The following WDR59 variants were observed in gnomAD, a reference collection of about 807,000 sequenced individuals.
WDR59 encodes GATOR2 complex protein WDR59.
A neutral mutation model predicts 131.2 loss-of-function variants in WDR59; 100 were observed. The observed-to-expected ratio is 0.76, with a 90% CI of 0.65 to 0.90. The LOEUF (loss-of-function observed/expected upper bound fraction) is 0.90, where lower values mean the gene tolerates loss of function less well. WDR59 is among the 40% of genes least tolerant of loss of function. WDR59 has a pLI of 0.00. For missense variants in WDR59, 1,203 were observed against 1,262.2 expected, an observed-to-expected ratio of 0.95 and a Z score of 0.71; for synonymous variants, 601 against 466.2, an observed-to-expected ratio of 1.29 and a Z score of -3.72.
intron 8 of WDR59, among the ~76,000 whole-genome samples, chr16:74,937,841 C>T (rs893085619): frequency 1.3e-5 from 2 of 152,156 alleles, no homozygotes; most frequent in African/African-American, 4.8e-5. Context: ...CTCTGACTTC[C>T]TTTCACAAAG....
intron 7 of WDR59, among the ~76,000 whole-genome samples, chr16:74,940,336 G>A (rs1372530242): frequency 6.7e-6 from 1 of 149,748 alleles, no homozygotes; most frequent in Non-Finnish European, 1.5e-5. Context: ...CCAAGAATGC[G>A]CCATTGCACT....
chr16:74,940,845 A>G (rs1230397817), intron 7 of WDR59, among the ~76,000 whole-genome samples: 1 of 152,010 alleles, frequency 6.6e-6, no homozygotes, highest in Non-Finnish European at 1.5e-5. Context: ...AGCTGGGACT[A>G]CAGGCGCCCG....
chr16:74,957,518 C>T lies in WDR59; in HGVS notation c.105-908G>A, dbSNP rs533426899. The stretch of plus-strand genomic sequence containing the variant: ...GAAAATCTCAAAATTCCCCTTACTA[C>T]TTCCTGGTCAAGAAAACTCAACTAA... On this transcript the variant is annotated intron_variant, in intron 2 of 25. Coordinates refer to ENST00000262144, the MANE Select transcript of WDR59 (RefSeq NM_030581.4). Among the ~76,000 whole-genome samples the T allele has an allele frequency of 1.8e-3, 274 of 152,290 alleles. 1 individual carries two copies. The highest frequency in any genetic ancestry group is 3.3e-3 in the Non-Finnish European group (224 of 68,034).
At chr16:74,919,013 C>G (rs2029886641) in intron 10 of WDR59, among the ~76,000 whole-genome samples, 1 of 152,198 alleles carries the variant, frequency 6.6e-6, no homozygotes, top group African/African-American at 2.4e-5. Flanking sequence ...AATCTTCTGA[C>G]CCTACATCTG....
In WDR59 at chr16:74,956,518, T is replaced by C; in HGVS notation, c.197A>G (p.Gln66Arg). ...TGCAAAGCTGTCATGAGGATTCCAC[T>C]GCACAGCTCCAATGTCCCATTTGCT... is the stretch of plus-strand genomic sequence containing the variant. ...RQSKWDIGAV[Q>R]WNPHDSFAHY... Residue 66 changes from glutamine to arginine, a missense_variant, in exon 3 of 26, where the codon CAG becomes CGG. Coordinates refer to ENST00000262144, the MANE Select transcript of WDR59 (RefSeq NM_030581.4). 1 of 1,614,128 alleles carries C rather than the reference T, an allele frequency of 6.2e-7. No individual in the cohort carries two copies. The highest frequency in any genetic ancestry group is 8.5e-7 in the Non-Finnish European group (1 of 1,180,018).
intron 18 of WDR59, among the ~76,000 whole-genome samples, chr16:74,896,807 G>T (rs1206601166): frequency 6.6e-6 from 1 of 152,180 alleles, no homozygotes; most frequent in Admixed American, 6.5e-5. Context: ...AGGACTTACA[G>T]TATCAGCTCC....
intron 2 of WDR59, among the ~76,000 whole-genome samples, chr16:74,957,751 C>A (rs1057254164): frequency 4.6e-5 from 7 of 152,074 alleles, no homozygotes; most frequent in African/African-American, 9.7e-5. Context: ...TTGCTAGAGA[C>A]CACTCCAAGC....
chr16:74,912,306 G>A lies in WDR59; in HGVS notation c.1281C>T (p.Val427=), dbSNP rs1216409395. 1 of 1,614,136 alleles carries A rather than the reference G, an allele frequency of 6.2e-7. No homozygotes were observed. The change falls in exon 14 of 26, where the codon GTC becomes GTT. Residue 427 remains valine (V), a synonymous_variant. Coordinates refer to ENST00000262144, the MANE Select transcript of WDR59 (RefSeq NM_030581.4). ...TVSVHCSNHR[V]KMLVKFPAQY... ...GTGCAGGGAACTTCACCAGCATCTT[G>A]ACACGATGGTTGCTGCAGTGCACAG... is the stretch of plus-strand genomic sequence containing the variant.
At chr16:74,941,492 A>G (rs925997660) in intron 7 of WDR59, among the ~76,000 whole-genome samples, 3 of 152,012 alleles carry the variant, frequency 2.0e-5, no homozygotes, top group African/African-American at 7.2e-5. Flanking sequence ...TCGGGAGTTC[A>G]AGACCATCCT....
intron 1 of WDR59, among the ~76,000 whole-genome samples, chr16:74,973,349 G>C (rs1349200022): frequency 6.6e-6 from 1 of 152,134 alleles, no homozygotes; most frequent in African/African-American, 2.4e-5. Flanking sequence ...ACCCCAGCTG[G>C]AGCACAGTGG....
chr16:74,981,700 G>C (rs1300589334), intron 1 of WDR59, among the ~76,000 whole-genome samples: 1 of 115,306 alleles, frequency 8.7e-6, no homozygotes, highest in Non-Finnish European at 1.7e-5. Context: ...CTGTCGCCCA[G>C]GCTGGAGTAC....
In WDR59 at chr16:74,874,260, C is replaced by T; in HGVS notation, c.2874G>A (p.Glu958=). The change falls in exon 26 of 26, where the codon GAG becomes GAA. Residue 958 remains glutamate (E), a synonymous_variant. Transcript: ENST00000262144. The part of the protein sequence containing the change: ...SHMMEWFRTQ[E]VCPTGCGCHC... ...GGCACCCACACCCGGTGGGACACACCTCCTGGGTCCGAAACCACTCCATCA... is the reference window on the plus strand; with the variant it reads ...GGCACCCACACCCGGTGGGACACACTTCCTGGGTCCGAAACCACTCCATCA... 1 of 1,614,198 alleles carries T rather than the reference C, an allele frequency of 6.2e-7. No homozygotes were observed.
Position 74,912,336 on chromosome 16 carries a change from T to C in WDR59, c.1251A>G (p.Thr417=). The C allele has an allele frequency of 6.2e-7, 1 of 1,613,756 alleles. No individual in the cohort carries two copies. Residue 417 remains threonine (T), a synonymous_variant, in exon 14 of 26, where the codon ACA becomes ACG. Transcript: ENST00000262144. ...VEMDAADRSC[T]VSVHCSNHRV... ...GATGGTTGCTGCAGTGCACAGACAC[T>C]GTGCAGCTCCTGTCTGCCGCATCCA... is the stretch of plus-strand genomic sequence containing the variant.
intron 19 of WDR59, among the ~76,000 whole-genome samples, chr16:74,892,909 T>C (rs1965114704): frequency 6.6e-6 from 1 of 152,216 alleles, no homozygotes; most frequent in Non-Finnish European, 1.5e-5. Context: ...CATGCGACAC[T>C]GACTATGGTT....
intron 1 of WDR59, among the ~76,000 whole-genome samples, chr16:74,967,577 G>A (rs866601920): frequency 2.0e-5 from 3 of 152,132 alleles, no homozygotes; most frequent in Non-Finnish European, 2.9e-5. Context: ...GATAGAACTC[G>A]GCTGGGCGCG....
intron 1 of WDR59, among the ~76,000 whole-genome samples, chr16:74,973,895 C>T (rs950962077): frequency 2.6e-5 from 4 of 152,042 alleles, no homozygotes; most frequent in African/African-American, 9.6e-5. Context: ...ATTGGCCAGG[C>T]GCAGTGGCCC....
chr16:74,927,566 C>A (rs1597730256), intron 8 of WDR59, among the ~76,000 whole-genome samples: 1 of 110,110 alleles, frequency 9.1e-6, no homozygotes, highest in Non-Finnish European at 1.7e-5. Context: ...CCAGCCTGGG[C>A]AATAGAGCGA....
rs746574195 is a variant in WDR59 at position 74,970,495 on chromosome 16, C to CA, written c.55-4674dup. On this transcript the variant is annotated intron_variant, in intron 1 of 25. Coordinates refer to ENST00000262144, the MANE Select transcript of WDR59 (RefSeq NM_030581.4). Reference sequence around the variant, plus strand: ...GGGTGACAGAGAGAGACTCTGTCTCCAAAAAAAAAAAAAAAAAAAAAAAAA... The same window carrying CA: ...GGGTGACAGAGAGAGACTCTGTCTCCAAAAAAAAAAAAAAAAAAAAAAAAAA... Among the ~76,000 whole-genome samples, 67 of 33,412 alleles carry CA rather than the reference C, an allele frequency of 2.0e-3. 2 individuals are homozygous for CA. The highest frequency in any genetic ancestry group is 4.9e-3 in the African/African-American group (55 of 11,168). 21.9% of individuals were successfully genotyped at this position (33,412 alleles called of 152,430 possible).
chr16:74,874,430 A>G lies in WDR59; in HGVS notation c.2704T>C (p.Cys902Arg), dbSNP rs1390664021. 6.2e-7 allele frequency: 1 copy of G among 1,613,992 alleles called. No homozygotes were observed. Among genetic ancestry groups the G allele is most frequent in the South Asian group, 1.1e-5 (1 of 91,080 alleles). ...CGGACCTCACTCCGGCAGTGGCTGC[A>G]GTACACGCCGAACTCTGGAAATGGG... is the stretch of plus-strand genomic sequence containing the variant. ...PHKGIEFGVYCSHCRSEVRGT... is the reference protein window; with the variant it reads ...PHKGIEFGVYRSHCRSEVRGT... The change falls in exon 26 of 26, where the codon TGC becomes CGC. Residue 902 changes from cysteine to arginine, a missense_variant. Cys to Arg is a radical substitution (Grantham distance 180). Coordinates refer to ENST00000262144, the MANE Select transcript of WDR59 (RefSeq NM_030581.4).
Sources: allele counts gnomAD v4.1 joint callset (sites outside exome capture counted in the v4.1 genomes callset), GRCh38; gene constraint gnomAD v4.1.1; transcripts MANE v1.5; gene names NCBI Gene and HGNC (gene_info 2026-07-23, HGNC 2026-07-21).